ANXA10: variants seen among roughly 807,000 people sequenced by gnomAD.
ANXA10 encodes annexin A10.
In ANXA10, 49 loss-of-function variants were observed where a neutral mutation model predicts 53.5. The ratio of observed to expected loss-of-function variants is 0.92; its 90% CI spans 0.73 to 1.16. The LOEUF (loss-of-function observed/expected upper bound fraction) is 1.16. Among genes scored for constraint, ANXA10 ranks in the 50% most tolerant of loss-of-function variants. The pLI is 0.00. For synonymous variants in ANXA10, 131 were observed against 128.9 expected (o/e 1.02, Z -0.11); for missense variants, 393 against 394.4 (o/e 1.00, Z 0.03).
chr4:168,106,241 A>G (rs1579201486), intron 1 of ANXA10, among the ~76,000 whole-genome samples: 1 of 152,112 alleles, frequency 6.6e-6, no homozygotes, highest in East Asian at 1.9e-4. Flanking sequence ...TTTTAGGTCA[A>G]CAATAAGTAT....
At chr4:168,112,172 T>C (rs1415359750) in intron 1 of ANXA10, among the ~76,000 whole-genome samples, 1 of 152,032 alleles carries the variant, frequency 6.6e-6, no homozygotes, top group Non-Finnish European at 1.5e-5. Context: ...GGCATTCACT[T>C]GTAGTCCCGG....
At chr4:168,162,321 G>A (rs1421865317) in intron 3 of ANXA10, among the ~76,000 whole-genome samples, 1 of 152,172 alleles carries the variant, frequency 6.6e-6, no homozygotes, top group South Asian at 2.1e-4. Context: ...ATGTGCATAT[G>A]CTATGTCATG....
intron 2 of ANXA10, among the ~76,000 whole-genome samples, chr4:168,136,758 G>A (rs1731244064): frequency 6.6e-6 from 1 of 152,176 alleles, no homozygotes; most frequent in Non-Finnish European, 1.5e-5. Context: ...GGATCTGAAG[G>A]ATGGTGGCCC....
intron 2 of ANXA10, among the ~76,000 whole-genome samples, chr4:168,129,531 CA>C (rs1465093620): frequency 6.6e-6 from 1 of 152,060 alleles, no homozygotes; most frequent in Non-Finnish European, 1.5e-5. Flanking sequence ...TGAAGTACGT[CA>C]GGAGGTTTTG....
At chr4:168,153,459 CAA>C (rs200411170) in intron 3 of ANXA10, among the ~76,000 whole-genome samples, 1 of 36,808 alleles carries the variant, frequency 2.7e-5, no homozygotes, top group East Asian at 4.0e-4. Flanking sequence ...AAAAACAAAA[CAA>C]AAAAAAAAAC....
intron 1 of ANXA10, among the ~76,000 whole-genome samples, chr4:168,103,072 GT>G (rs1560957886): frequency 1.3e-5 from 2 of 151,870 alleles, no homozygotes; most frequent in African/African-American, 4.8e-5. Flanking sequence ...TGGATTAAAC[GT>G]TTTATGAAAA....
intron 5 of ANXA10, 83 bp from the exon 6 acceptor site, chr4:168,165,164 T>TG: frequency 1.2e-6 from 1 of 856,508 alleles, no homozygotes; most frequent in Non-Finnish European, 1.8e-6. Context: ...TACTCACAAC[T>TG]GGGAAATAAC....
intron 3 of ANXA10, among the ~76,000 whole-genome samples, chr4:168,145,941 G>C (rs922028260): frequency 6.8e-6 from 1 of 147,148 alleles, no homozygotes; most frequent in Non-Finnish European, 1.5e-5. Flanking sequence ...TTTTTTCTTT[G>C]AGACAGAGTC....
chr4:168,156,108 T>TATTATATATAAA (rs1553957710), intron 3 of ANXA10, among the ~76,000 whole-genome samples: 1 of 41,372 alleles, frequency 2.4e-5, no homozygotes, highest in Non-Finnish European at 3.8e-5. Flanking sequence ...TATATAAATA[T>TATTATATATAAA]TATATTTATT....
intron 3 of ANXA10, among the ~76,000 whole-genome samples, chr4:168,154,827 A>T (rs1449438861): frequency 1.3e-5 from 2 of 152,146 alleles, no homozygotes; most frequent in Admixed American, 1.3e-4. Context: ...CCTAACTCAC[A>T]GGGTTGTTGT....
At chr4:168,165,208 C>T in intron 5 of ANXA10, 39 bp from the exon 6 acceptor site, 7 of 1,331,458 alleles carry the variant, frequency 5.3e-6, no homozygotes, top group South Asian at 4.1e-5. Context: ...ATACATAGTT[C>T]TATAATAAAT....
At chr4:168,151,397 C>A (rs1414905770) in intron 3 of ANXA10, among the ~76,000 whole-genome samples, 1 of 152,132 alleles carries the variant, frequency 6.6e-6, no homozygotes, top group African/African-American at 2.4e-5. Context: ...TAAGAAAATG[C>A]CATTTTATTT....
intron 1 of ANXA10, among the ~76,000 whole-genome samples, chr4:168,117,239 T>C (rs2149467553): frequency 6.6e-6 from 1 of 152,184 alleles, no homozygotes; most frequent in South Asian, 2.1e-4. Flanking sequence ...AAAAATCCTG[T>C]CTCAAAAATA....
In ANXA10 at chr4:168,155,862, G is replaced by GATATATCATATATTATATT. The variant is rs1731635554; in HGVS notation, c.196-6648_196-6647insTATATATCATATATTATAT. ...ATATATAATATAATATATCATATAT[G>GATATATCATATATTATATT]ATATATCATATATTATATGTTATAT... is the stretch of plus-strand genomic sequence containing the variant. On this transcript the variant is annotated intron_variant, in intron 3 of 11. Coordinates refer to ENST00000359299, the MANE Select transcript of ANXA10 (RefSeq NM_007193.5). Among the ~76,000 whole-genome samples, 2 of 4,966 alleles carry GATATATCATATATTATATT rather than the reference G, an allele frequency of 4.0e-4. 1 individual carries two copies. Among genetic ancestry groups the GATATATCATATATTATATT allele is most frequent in the African/African-American group, 2.1e-3 (2 of 960 alleles). 3.3% of individuals were successfully genotyped at this position (4,966 alleles called of 152,430 possible).
intron 8 of ANXA10, among the ~76,000 whole-genome samples, chr4:168,178,523 A>G (rs758533597): frequency 7.2e-5 from 11 of 152,132 alleles, no homozygotes; most frequent in Non-Finnish European, 7.4e-5. Context: ...TTTTCAACAG[A>G]TGGCCTACCC....
intron 1 of ANXA10, among the ~76,000 whole-genome samples, chr4:168,123,294 C>T (rs1320481412): frequency 2.0e-5 from 3 of 151,886 alleles, no homozygotes; most frequent in South Asian, 2.1e-4. Flanking sequence ...AAAAAAAACC[C>T]AGACTTTATT....
chr4:168,160,476 G>A (rs1340506854), intron 3 of ANXA10, among the ~76,000 whole-genome samples: 2 of 152,074 alleles, frequency 1.3e-5, no homozygotes, highest in East Asian at 3.9e-4. Context: ...CATTTAGGCT[G>A]ATTATGTATC....
At chr4:168,113,579 C>T (rs1423277915) in intron 1 of ANXA10, among the ~76,000 whole-genome samples, 1 of 152,230 alleles carries the variant, frequency 6.6e-6, no homozygotes, top group Admixed American at 6.5e-5. Context: ...TCATCAAGCC[C>T]TTGTATAAAA....
chr4:168,164,221 C>T lies in ANXA10; in HGVS notation c.333C>T (p.Cys111=), dbSNP rs771722421. 1 of 1,612,440 alleles carries T rather than the reference C, an allele frequency of 6.2e-7. No individual in the cohort carries two copies. The highest frequency in any genetic ancestry group is 8.5e-7 in the Non-Finnish European group (1 of 1,178,752). ...AGGGAGTAGGCACTGATGAGAATTG[C>T]CTCATTGAAATACTAGCTTCAAGAA... is the stretch of plus-strand genomic sequence containing the variant. The part of the protein sequence containing the change: ...AMKGVGTDEN[C]LIEILASRTN... The change falls in exon 5 of 12, where the codon TGC becomes TGT. Residue 111 remains cysteine, a synonymous_variant. Coordinates refer to ENST00000359299, the MANE Select transcript of ANXA10 (RefSeq NM_007193.5).
Sources: gnomAD v4.1 joint callset for allele counts (sites outside exome capture counted in the v4.1 genomes callset) on GRCh38, gnomAD v4.1.1 for gene constraint, MANE v1.5 for transcripts, NCBI Gene and HGNC (gene_info 2026-07-23, HGNC 2026-07-21) for gene names.